Variants in RBPJ observed in about 807,000 individuals in gnomAD.
RBPJ encodes the protein recombining binding protein suppressor of hairless.
A neutral mutation model predicts 67.8 loss-of-function variants in RBPJ; 9 were observed. That is an observed-to-expected ratio of 0.13 (90% CI 0.08 to 0.23). The LOEUF is 0.23. RBPJ is among the 10% of genes least tolerant of loss of function. The pLI is 1.00. For missense variants in RBPJ, 305 were observed against 595.6 expected (o/e 0.51, Z 5.08); for synonymous variants, 198 against 203.3 (o/e 0.97, Z 0.22).
chr4:26,319,368 G>A (rs911528431), upstream of RBPJ, among the ~76,000 whole-genome samples: 2 of 152,136 alleles, frequency 1.3e-5, no homozygotes, highest in African/African-American at 2.4e-5. Flanking sequence ...GGGCGTGTGC[G>A]TGTTGTGTGC....
At chr4:26,176,550 G>C (rs566966606) in intron 1 of RBPJ, among the ~76,000 whole-genome samples, 1 of 152,222 alleles carries the variant, frequency 6.6e-6, no homozygotes, top group African/African-American at 2.4e-5. Flanking sequence ...CACCGTGCTT[G>C]CTAACTAAGA....
chr4:26,155,533 C>T, the RBPJ span, among the ~76,000 whole-genome samples: 2 of 150,564 alleles, frequency 1.3e-5, no homozygotes, highest in African/African-American at 4.9e-5. Flanking sequence ...CTCCTGGGTT[C>T]AAGCGATTCT....
chr4:26,303,424 C>A, intron 1 of RBPJ, among the ~76,000 whole-genome samples: 1 of 132,654 alleles, frequency 7.5e-6, no homozygotes, highest in Non-Finnish European at 1.6e-5. Context: ...GTGATTGTGC[C>A]ACTGCACTCC....
chr4:26,169,586 C>A (rs1431549764), intron 1 of RBPJ, among the ~76,000 whole-genome samples: 4 of 152,192 alleles, frequency 2.6e-5, no homozygotes, highest in Non-Finnish European at 5.9e-5. Flanking sequence ...GCTGGGAGAA[C>A]CACTGCTCTA....
intron 1 of RBPJ, among the ~76,000 whole-genome samples, chr4:26,288,412 C>G (rs555711171): frequency 6.6e-6 from 1 of 152,200 alleles, no homozygotes; most frequent in South Asian, 2.1e-4. Context: ...TTGAGTGCCC[C>G]TCTGGCATGG....
the RBPJ span, among the ~76,000 whole-genome samples, chr4:26,122,268 A>G: frequency 3.3e-5 from 5 of 152,206 alleles, no homozygotes; most frequent in Non-Finnish European, 1.5e-5. Context: ...GCCATATCTG[A>G]TGTGAGTCCT....
chr4:26,422,613 T>G (rs2109812689), intron 5 of RBPJ, among the ~76,000 whole-genome samples: 2 of 152,328 alleles, frequency 1.3e-5, no homozygotes, highest in South Asian at 4.1e-4. Context: ...TTGTTGTGGT[T>G]GTTGTTATTG....
At chr4:26,209,098 A>ATATAT (rs60595455) in intron 1 of RBPJ, among the ~76,000 whole-genome samples, 2,204 of 146,940 alleles carry the variant, frequency 0.015, 22 homozygotes, top group Non-Finnish European at 0.021. Context: ...GAAGAAAAAA[A>ATATAT]ATATATATAT....
rs955332211 is a variant in RBPJ, at chr4:26,322,529, C to A, written c.20+1481C>A. On this transcript the variant is annotated intron_variant, in intron 1 of 10. Transcript: ENST00000355476. ...GCCCTGTAGATGCGTGACAACCCTTCTGTCCCATCATTGGGGTTGAAATGA... is the reference window on the plus strand; with the variant it reads ...GCCCTGTAGATGCGTGACAACCCTTATGTCCCATCATTGGGGTTGAAATGA... Among the ~76,000 whole-genome samples the A allele has an allele frequency of 4.6e-5, 7 of 152,274 alleles. No homozygotes were observed. In the South Asian group the frequency reaches 1.5e-3, roughly 32 times the overall value.
At chr4:26,131,238 G>A in the RBPJ span, among the ~76,000 whole-genome samples, 1 of 152,200 alleles carries the variant, frequency 6.6e-6, no homozygotes, top group Non-Finnish European at 1.5e-5. Flanking sequence ...GGCACTAGTA[G>A]GTTACTAGGT....
chr4:26,296,646 T>G (rs993439823), intron 1 of RBPJ, among the ~76,000 whole-genome samples: 7 of 152,238 alleles, frequency 4.6e-5, no homozygotes, highest in Non-Finnish European at 8.8e-5. Context: ...ATTCTATTTT[T>G]GACCAAGTAG....
At chr4:26,379,411 A>C (rs538042047) in intron 1 of RBPJ, among the ~76,000 whole-genome samples, 1 of 152,270 alleles carries the variant, frequency 6.6e-6, no homozygotes, top group Non-Finnish European at 1.5e-5. Flanking sequence ...ATAATGTATA[A>C]AGAAAAGAGG....
chr4:26,305,167 G>A (rs1722194107), intron 1 of RBPJ, among the ~76,000 whole-genome samples: 1 of 152,118 alleles, frequency 6.6e-6, no homozygotes, highest in Non-Finnish European at 1.5e-5. Context: ...GCTTATTTCT[G>A]GACTCTTAGT....
chr4:26,322,183 G>A (rs1477316305), intron 1 of RBPJ: 3 of 152,242 alleles, frequency 2.0e-5, no homozygotes, highest in African/African-American at 4.8e-5. Flanking sequence ...GCTGCCTGAG[G>A]ATGATTGGAG....
the RBPJ span, among the ~76,000 whole-genome samples, chr4:26,121,064 C>T: frequency 7.6e-6 from 1 of 131,052 alleles, no homozygotes; most frequent in Non-Finnish European, 1.8e-5. Flanking sequence ...CTACCATTCT[C>T]AAAAGTGGGC....
At position 26,424,587 on chromosome 4, in the gene RBPJ, A is replaced by G. The variant is rs1291476155; in HGVS notation, c.635-44A>G. The G allele has an allele frequency of 3.2e-6, 5 of 1,561,556 alleles. No homozygotes were observed. The highest frequency in any genetic ancestry group is 2.2e-5 in the East Asian group (1 of 44,598). On this transcript the variant is annotated intron_variant, in intron 6 of 10. Transcript: ENST00000355476. The surrounding 1 kb of genome is among the most constrained non-coding windows in gnomAD (Gnocchi z 5.3). ...TGTCATTTGCCTAATCATAAAATAA[A>G]TTTAAAAAGATGACAATTTGATTTA...
chr4:26,325,408 A>G (rs1186283677), intron 1 of RBPJ, among the ~76,000 whole-genome samples: 3 of 152,198 alleles, frequency 2.0e-5, no homozygotes, highest in Admixed American at 2.0e-4. Flanking sequence ...GCGTTCATTA[A>G]GAGAGGCAAC....
chr4:26,295,414 T>C (rs1209657292), intron 1 of RBPJ, among the ~76,000 whole-genome samples: 1 of 152,152 alleles, frequency 6.6e-6, no homozygotes, highest in Non-Finnish European at 1.5e-5. Flanking sequence ...GTTGCAGTAG[T>C]AGTAGTAGTG....
intron 1 of RBPJ, among the ~76,000 whole-genome samples, chr4:26,169,527 A>G (rs1207463851): frequency 1.3e-5 from 2 of 151,996 alleles, no homozygotes; most frequent in Non-Finnish European, 1.5e-5. Context: ...CAGGGGTCAG[A>G]GACCCACCTG....
Sources: allele counts gnomAD v4.1 joint callset (sites outside exome capture counted in the v4.1 genomes callset), GRCh38; gene constraint gnomAD v4.1.1; non-coding constraint Gnocchi (gnomAD v3.1); transcripts MANE v1.5; gene names NCBI Gene and HGNC (gene_info 2026-07-23, HGNC 2026-07-21).